Variants in LRMDA observed in about 807,000 individuals in gnomAD.
LRMDA encodes the protein leucine rich melanocyte differentiation associated.
LRMDA carries 18 observed loss-of-function variants against 29.8 expected under a neutral mutation model. The ratio of observed to expected loss-of-function variants is 0.60; its 90% CI spans 0.42 to 0.90. The LOEUF is 0.90. Among genes scored for constraint, LRMDA ranks in the 40% least tolerant of loss-of-function variants. LRMDA has a pLI of 0.00. For synonymous variants in LRMDA, 125 were observed against 109.4 expected, an observed-to-expected ratio of 1.14 and a Z score of -0.89; for missense variants, 273 against 273.9, an observed-to-expected ratio of 1.00 and a Z score of 0.02.
chr10:76,404,350 G>T (rs1243514991), intron 6 of LRMDA, among the ~76,000 whole-genome samples: 3 of 152,068 alleles, frequency 2.0e-5, no homozygotes, highest in Admixed American at 1.3e-4. Flanking sequence ...AAATGTCTGT[G>T]TGTGAGCAAG....
intron 6 of LRMDA, among the ~76,000 whole-genome samples, chr10:76,467,242 A>C (rs1416172273): frequency 6.6e-6 from 1 of 152,214 alleles, no homozygotes; most frequent in Non-Finnish European, 1.5e-5. Flanking sequence ...ACAATGTACT[A>C]GAACATGGGG....
intron 2 of LRMDA, among the ~76,000 whole-genome samples, chr10:75,512,105 A>G (rs1307983563): frequency 6.6e-6 from 1 of 152,166 alleles, no homozygotes; most frequent in Admixed American, 6.5e-5. Flanking sequence ...CATCATCTAC[A>G]CTTTCATCTG....
chr10:75,504,346 G>A (rs1454595220), intron 2 of LRMDA, among the ~76,000 whole-genome samples: 1 of 152,074 alleles, frequency 6.6e-6, no homozygotes, highest in African/African-American at 2.4e-5. Context: ...AGGGATTCAG[G>A]AGGGAGCTCA....
At chr10:76,494,771 T>A (rs999998480) in intron 6 of LRMDA, among the ~76,000 whole-genome samples, 2 of 151,948 alleles carry the variant, frequency 1.3e-5, no homozygotes, top group African/African-American at 2.4e-5. Flanking sequence ...GTAATTTTTG[T>A]TGCATCCCAC....
intron 5 of LRMDA, among the ~76,000 whole-genome samples, chr10:76,067,051 G>A (rs188541884): frequency 5.3e-4 from 80 of 152,326 alleles, no homozygotes; most frequent in African/African-American, 1.8e-3. Context: ...AGAAGCTCTG[G>A]GATAGCAGAG....
At chr10:76,231,858 G>A (rs1270332028) in intron 5 of LRMDA, among the ~76,000 whole-genome samples, 2 of 152,164 alleles carry the variant, frequency 1.3e-5, no homozygotes, top group African/African-American at 4.8e-5. Flanking sequence ...TTTGAGATTA[G>A]TGCTTTCTTA....
chr10:76,093,728 G>C (rs764518632), intron 5 of LRMDA, among the ~76,000 whole-genome samples: 2 of 152,020 alleles, frequency 1.3e-5, no homozygotes, highest in African/African-American at 2.4e-5. Context: ...CCCTCACCAG[G>C]GTCACTGACA....
intron 2 of LRMDA, among the ~76,000 whole-genome samples, chr10:75,756,128 G>C (rs1473438726): frequency 1.3e-5 from 2 of 152,202 alleles, no homozygotes; most frequent in Non-Finnish European, 2.9e-5. Context: ...AGAGACTTCT[G>C]TTTGCTTACC....
At chr10:75,833,564 T>C (rs140631352) in intron 2 of LRMDA, among the ~76,000 whole-genome samples, 2 of 152,276 alleles carry the variant, frequency 1.3e-5, no homozygotes, top group East Asian at 3.9e-4. Flanking sequence ...TTCACATCAA[T>C]CCTACGTGAA....
chr10:75,804,263 A>G (rs1843808815), intron 2 of LRMDA, among the ~76,000 whole-genome samples: 1 of 152,204 alleles, frequency 6.6e-6, no homozygotes, highest in Non-Finnish European at 1.5e-5. Flanking sequence ...TTTTCAGTAT[A>G]TTCTGCATCT....
At position 76,493,128 on chromosome 10, in the gene LRMDA, A is replaced by G. The variant is rs76134100; in HGVS notation, c.602-64081A>G. Among the ~76,000 whole-genome samples the G allele has an allele frequency of 5.2e-3, 785 of 152,170 alleles. 10 individuals carry two copies. Among genetic ancestry groups the G allele is most frequent in the African/African-American group, 0.018 (757 of 41,534 alleles). On this transcript the variant is annotated intron_variant, in intron 6 of 6. Transcript: ENST00000611255. ...GGACACAGATGGGTCCAGAGATGCCATCTGGGAGTCAGAGATTGGAGTGAA... is the reference window on the plus strand; with the variant it reads ...GGACACAGATGGGTCCAGAGATGCCGTCTGGGAGTCAGAGATTGGAGTGAA...
intron 2 of LRMDA, among the ~76,000 whole-genome samples, chr10:75,598,504 T>G (rs1327160163): frequency 6.6e-6 from 1 of 151,932 alleles, no homozygotes; most frequent in Non-Finnish European, 1.5e-5. Context: ...CTGAGAGAGC[T>G]GTCCATGACA....
intron 5 of LRMDA, among the ~76,000 whole-genome samples, chr10:76,061,561 G>A (rs1848701638): frequency 6.6e-6 from 1 of 152,276 alleles, no homozygotes; most frequent in African/African-American, 2.4e-5. Flanking sequence ...TGAGGAGAGA[G>A]ACTAAAGTAC....
intron 6 of LRMDA, among the ~76,000 whole-genome samples, chr10:76,330,216 G>A (rs752406612): frequency 6.6e-5 from 10 of 152,156 alleles, no homozygotes; most frequent in Non-Finnish European, 1.0e-4. Context: ...ACAAAAGACA[G>A]GTTAACAAGA....
At chr10:75,569,023 T>C (rs534439382) in intron 2 of LRMDA, among the ~76,000 whole-genome samples, 1 of 152,256 alleles carries the variant, frequency 6.6e-6, no homozygotes, top group South Asian at 2.1e-4. Context: ...GGCTCCTCTT[T>C]GTTGTTACTG....
intron 5 of LRMDA, among the ~76,000 whole-genome samples, chr10:76,091,303 G>A (rs1300011671): frequency 1.3e-5 from 2 of 151,800 alleles, no homozygotes; most frequent in African/African-American, 4.8e-5. Context: ...GTGTGTGTGT[G>A]TGTGTGTGTG....
At chr10:75,928,626 T>C (rs1233787314) in intron 2 of LRMDA, among the ~76,000 whole-genome samples, 2 of 152,182 alleles carry the variant, frequency 1.3e-5, no homozygotes, top group Non-Finnish European at 2.9e-5. Context: ...ATGGATTTAA[T>C]GCTTAATATA....
Position 76,043,004 on chromosome 10 carries a change from G to C in LRMDA, c.259-4160G>C, listed in dbSNP as rs1212414926. ...TGTAATCCCAGAACTTTGGGAGGCC[G>C]AGGCAGGTGGATCTCCTGAGATTAG... is the stretch of plus-strand genomic sequence containing the variant. On this transcript the variant is annotated intron_variant, in intron 3 of 6. Coordinates refer to ENST00000611255, the MANE Select transcript of LRMDA (RefSeq NM_001305581.2). 2.6e-5 allele frequency among the ~76,000 whole-genome samples: 4 copies of C among 152,064 alleles called. No homozygotes were observed. The East Asian group carries it at 7.7e-4, about 29-fold the overall frequency.
chr10:75,492,508 G>A (rs117431091), intron 2 of LRMDA, among the ~76,000 whole-genome samples: 55 of 152,246 alleles, frequency 3.6e-4, no homozygotes, highest in Non-Finnish European at 7.2e-4. Flanking sequence ...ATATGTGAGT[G>A]GGGAATATAT....
Sources: gnomAD v4.1 joint callset for allele counts (sites outside exome capture counted in the v4.1 genomes callset) on GRCh38, gnomAD v4.1.1 for gene constraint, MANE v1.5 for transcripts, NCBI Gene and HGNC (gene_info 2026-07-23, HGNC 2026-07-21) for gene names.